Variants in CDH13 observed in about 807,000 individuals in gnomAD.
CDH13 encodes the protein cadherin 13.
In CDH13, 24 loss-of-function variants were observed where a neutral mutation model predicts 63.8. That is an observed-to-expected ratio of 0.38 (90% CI 0.27 to 0.53). The LOEUF (loss-of-function observed/expected upper bound fraction) is 0.53. CDH13 is among the 20% of genes least tolerant of loss of function. The pLI is 0.85. For missense variants in CDH13, 1,049 were observed against 903.1 expected (o/e 1.16, Z -2.07); for synonymous variants, 503 against 355.3 (o/e 1.42, Z -4.67).
intron 1 of CDH13, among the ~76,000 whole-genome samples, chr16:82,839,951 A>T (rs1343444396): frequency 6.6e-6 from 1 of 152,212 alleles, no homozygotes; most frequent in Non-Finnish European, 1.5e-5. Flanking sequence ...TGGGTTGAAA[A>T]TATCCAAAGG....
chr16:83,165,378 G>A (rs112403033), intron 4 of CDH13, among the ~76,000 whole-genome samples: 2 of 152,264 alleles, frequency 1.3e-5, no homozygotes, highest in African/African-American at 4.8e-5. Context: ...GTAGCAAGAG[G>A]CTGGTTGTGT....
intron 10 of CDH13, among the ~76,000 whole-genome samples, chr16:83,742,739 T>C (rs1177515901): frequency 6.6e-6 from 1 of 152,216 alleles, no homozygotes; most frequent in African/African-American, 2.4e-5. Flanking sequence ...CCACCGTTCA[T>C]TGTCTCCACC....
At chr16:82,718,374 C>T (rs993743616) in intron 1 of CDH13, among the ~76,000 whole-genome samples, 4 of 152,264 alleles carry the variant, frequency 2.6e-5, no homozygotes, top group Non-Finnish European at 4.4e-5. Context: ...TGGGATTCAC[C>T]GCTGACAGCT....
intron 10 of CDH13, among the ~76,000 whole-genome samples, chr16:83,723,632 TTGCCCAA>T (rs1909980600): frequency 6.6e-6 from 1 of 152,236 alleles, no homozygotes; most frequent in East Asian, 1.9e-4. Flanking sequence ...CCCTGTACTG[TTGCCCAA>T]TGGGACGGCT....
chr16:83,023,396 C>T (rs1297229329), intron 2 of CDH13, among the ~76,000 whole-genome samples: 1 of 151,974 alleles, frequency 6.6e-6, no homozygotes, highest in African/African-American at 2.4e-5. Context: ...TGTACAGTAT[C>T]TTATATGTGT....
At chr16:83,280,017 G>T (rs962248519) in intron 5 of CDH13, among the ~76,000 whole-genome samples, 2 of 152,142 alleles carry the variant, frequency 1.3e-5, no homozygotes, top group Non-Finnish European at 2.9e-5. Flanking sequence ...GAGTCTTGCC[G>T]CAATGTTGAT....
chr16:82,647,834 A>G (rs1005095561), intron 1 of CDH13, among the ~76,000 whole-genome samples: 37 of 152,140 alleles, frequency 2.4e-4, no homozygotes, highest in Admixed American at 2.1e-3. Flanking sequence ...AGTATCTGAT[A>G]TGGTTTGGCT....
At chr16:82,694,149 T>G in intron 1 of CDH13, among the ~76,000 whole-genome samples, 1 of 152,226 alleles carries the variant, frequency 6.6e-6, no homozygotes, top group South Asian at 2.1e-4. Flanking sequence ...TTCACTTGCA[T>G]ATAGAGCTAT....
chr16:83,221,979 A>G (rs746945737), intron 5 of CDH13, among the ~76,000 whole-genome samples: 1 of 152,204 alleles, frequency 6.6e-6, no homozygotes, highest in South Asian at 2.1e-4. Context: ...GGTTCCCAAG[A>G]TGTATTTTTA....
chr16:83,505,858 T>C (rs1328260673), intron 7 of CDH13, among the ~76,000 whole-genome samples: 1 of 152,102 alleles, frequency 6.6e-6, no homozygotes, highest in Admixed American at 6.6e-5. Flanking sequence ...GCTGCAGATA[T>C]GATGTGATTA....
At chr16:82,741,532 C>T (rs924746709) in intron 1 of CDH13, among the ~76,000 whole-genome samples, 1 of 152,160 alleles carries the variant, frequency 6.6e-6, no homozygotes, top group Non-Finnish European at 1.5e-5. Flanking sequence ...CTGTGAAATC[C>T]TTGAAGATGG....
At chr16:82,964,378 C>G (rs1176651896) in intron 2 of CDH13, among the ~76,000 whole-genome samples, 1 of 152,170 alleles carries the variant, frequency 6.6e-6, no homozygotes, top group African/African-American at 2.4e-5. Flanking sequence ...CAATGTACTT[C>G]GGTGATAACA....
intron 1 of CDH13, among the ~76,000 whole-genome samples, chr16:82,629,934 A>G (rs1050689966): frequency 4.6e-5 from 7 of 152,220 alleles, no homozygotes; most frequent in African/African-American, 1.4e-4. Flanking sequence ...CAACTAACCA[A>G]AAGTTCTAAC....
chr16:83,216,423 T>TATATATATATATATATAA (rs2039521820), intron 4 of CDH13, among the ~76,000 whole-genome samples: 1 of 100,876 alleles, frequency 9.9e-6, no homozygotes, highest in African/African-American at 3.6e-5. Context: ...TATATATATA[T>TATATATATATATATATAA]ATATATATAT....
intron 6 of CDH13, among the ~76,000 whole-genome samples, chr16:83,378,184 C>G (rs530349290): frequency 4.6e-5 from 7 of 152,320 alleles, no homozygotes; most frequent in Admixed American, 3.3e-4. Flanking sequence ...TGTGCAAGTG[C>G]TTTCGGTCTC....
chr16:82,880,196 T>A (rs577960265), intron 2 of CDH13, among the ~76,000 whole-genome samples: 1 of 152,118 alleles, frequency 6.6e-6, no homozygotes, highest in Non-Finnish European at 1.5e-5. Context: ...TTTTCCACTT[T>A]GCAATGAGAG....
At chr16:83,055,543 T>C (rs2030834757) in intron 3 of CDH13, among the ~76,000 whole-genome samples, 1 of 151,424 alleles carries the variant, frequency 6.6e-6, no homozygotes, top group African/African-American at 2.4e-5. Context: ...AAAAAATCAG[T>C]GTACCAAAGC....
At chr16:83,152,791 T>C (rs1027509713) in intron 4 of CDH13, among the ~76,000 whole-genome samples, 5 of 152,164 alleles carry the variant, frequency 3.3e-5, no homozygotes, top group Admixed American at 3.3e-4. Context: ...GAAATAGGGT[T>C]GTGGCAGATA....
intron 6 of CDH13, among the ~76,000 whole-genome samples, chr16:83,470,877 G>A (rs947678701): frequency 2.6e-5 from 4 of 152,076 alleles, no homozygotes; most frequent in African/African-American, 4.8e-5. Context: ...GTCCAAAATC[G>A]GTCTCATTGG....
Sources: gnomAD v4.1 joint callset for allele counts (sites outside exome capture counted in the v4.1 genomes callset) on GRCh38, gnomAD v4.1.1 for gene constraint, MANE v1.5 for transcripts, NCBI Gene and HGNC (gene_info 2026-07-23, HGNC 2026-07-21) for gene names.